Variants in FGF7 observed in about 807,000 individuals in gnomAD.
The protein encoded by FGF7 is fibroblast growth factor 7.
FGF7 carries 6 observed loss-of-function variants against 20.5 expected under a neutral mutation model. The ratio of observed to expected loss-of-function variants is 0.29; its 90% CI spans 0.16 to 0.58. The LOEUF (loss-of-function observed/expected upper bound fraction) is 0.58. FGF7 is among the 20% of genes least tolerant of loss of function. FGF7 has a pLI of 0.90. For missense variants in FGF7, 144 were observed against 228.8 expected (o/e 0.63, Z 2.39); for synonymous variants, 64 against 74.7 (o/e 0.86, Z 0.74).
In FGF7 at chr15:49,487,881, T is replaced by C. The variant is rs1029465142; in HGVS notation, c.*3377T>C. ...TCAGAATGACTTGCAGGGCTTATCA[T>C]GCAGTTTGGTTTACATCCCTACTCC... On this transcript the variant is annotated 3_prime_UTR_variant, in exon 4 of 4. Transcript: ENST00000267843. The C allele has an allele frequency of 1.3e-5, 2 of 152,012 alleles. No homozygotes were observed. Among genetic ancestry groups the C allele is most frequent in the African/African-American group, 4.8e-5 (2 of 41,418 alleles). 9.4% of individuals were successfully genotyped at this position (152,012 alleles called of 1,614,324 possible).
chr15:49,476,212 G>GTTTTTTTTTCTTTTTTTTTT (rs1567351529), intron 2 of FGF7, among the ~76,000 whole-genome samples: 1 of 81,256 alleles, frequency 1.2e-5, no homozygotes, highest in Non-Finnish European at 3.3e-5. Context: ...TTATTTTGCT[G>GTTTTTTTTTCTTTTTTTTTT]TTTTGTTTTT....
chr15:49,448,865 C>T (rs1187731431), intron 2 of FGF7, among the ~76,000 whole-genome samples: 2 of 151,662 alleles, frequency 1.3e-5, no homozygotes, highest in African/African-American at 4.8e-5. Context: ...CTTTAGCAGT[C>T]GATTCCAATA....
chr15:49,441,884 T>G (rs2051686152), intron 2 of FGF7, among the ~76,000 whole-genome samples: 1 of 151,612 alleles, frequency 6.6e-6, no homozygotes, highest in East Asian at 1.9e-4. Context: ...GGGAGCAACC[T>G]TCTCATTGTA....
intron 2 of FGF7, among the ~76,000 whole-genome samples, chr15:49,431,739 T>A (rs2050641283): frequency 6.6e-6 from 1 of 151,664 alleles, no homozygotes; most frequent in Non-Finnish European, 1.5e-5. Context: ...GAAAAAGACT[T>A]TACATAAAAA....
chr15:49,437,789 C>G (rs1277724840), intron 2 of FGF7, among the ~76,000 whole-genome samples: 6 of 151,586 alleles, frequency 4.0e-5, no homozygotes, highest in Non-Finnish European at 7.4e-5. Context: ...AAAAATTCAG[C>G]CTATGTGTGG....
chr15:49,429,310 A>G (rs1157677157), intron 2 of FGF7, among the ~76,000 whole-genome samples: 1 of 151,958 alleles, frequency 6.6e-6, no homozygotes, highest in Non-Finnish European at 1.5e-5. Context: ...GAATGGATAA[A>G]CTGCTGGGGA....
At chr15:49,480,261 A>T (rs1360475709) in intron 2 of FGF7, among the ~76,000 whole-genome samples, 1 of 152,108 alleles carries the variant, frequency 6.6e-6, no homozygotes, top group Non-Finnish European at 1.5e-5. Flanking sequence ...CTTAACCCTA[A>T]TATGTGGAGG....
intron 2 of FGF7, among the ~76,000 whole-genome samples, chr15:49,451,835 T>C (rs2052774925): frequency 6.6e-6 from 1 of 152,124 alleles, no homozygotes; most frequent in African/African-American, 2.4e-5. Context: ...ATCTTTTACC[T>C]AGGAGGAAAA....
chr15:49,477,038 C>T (rs1057221915), intron 2 of FGF7, among the ~76,000 whole-genome samples: 16 of 146,514 alleles, frequency 1.1e-4, no homozygotes, highest in East Asian at 2.0e-4. Flanking sequence ...CCAGCCTGGG[C>T]GACAAAGCGA....
chr15:49,470,561 T>G (rs1233294599), intron 2 of FGF7, among the ~76,000 whole-genome samples: 1 of 152,196 alleles, frequency 6.6e-6, no homozygotes, highest in Non-Finnish European at 1.5e-5. Flanking sequence ...CCCCTTAACT[T>G]TTATGATACC....
At chr15:49,443,946 A>G (rs1244579116) in intron 2 of FGF7, among the ~76,000 whole-genome samples, 1 of 151,686 alleles carries the variant, frequency 6.6e-6, no homozygotes, top group African/African-American at 2.4e-5. Context: ...CATTTACATC[A>G]TGCTTCTACA....
chr15:49,481,816 ACT>A (rs1043036781), intron 2 of FGF7, among the ~76,000 whole-genome samples: 1 of 152,060 alleles, frequency 6.6e-6, no homozygotes, highest in Non-Finnish European at 1.5e-5. Flanking sequence ...TAGCTGTGAA[ACT>A]CTCAACTGGA....
At chr15:49,449,619 ATATAGTTTAAGGCAAATATGCCATACTG>A (rs1203936873) in intron 2 of FGF7, among the ~76,000 whole-genome samples, 5 of 151,986 alleles carry the variant, frequency 3.3e-5, no homozygotes, top group African/African-American at 7.2e-5. Context: ...CTTCCCATTA[ATATAGTTTAAGGCAAATATGCCATACTG>A]TCGGCTCATC....
At chr15:49,477,870 A>C (rs2055498819) in intron 2 of FGF7, among the ~76,000 whole-genome samples, 1 of 152,166 alleles carries the variant, frequency 6.6e-6, no homozygotes, top group Non-Finnish European at 1.5e-5. Context: ...TAGTCACGCT[A>C]ATAGTTGTAC....
rs1160266415 is a variant in FGF7 at position 49,456,716 on chromosome 15, AAG to A, written c.287-26434_287-26433del. ...ATTTTGTGAATTTCTGAAAAGAAAA[AAG>A]GGGAAAGGATCAGGGAAGGAACTTG... On this transcript the variant is annotated intron_variant, in intron 2 of 3. Transcript: ENST00000267843. 2.9e-4 allele frequency among the ~76,000 whole-genome samples: 44 copies of A among 152,080 alleles called. 1 individual carries two copies. Among genetic ancestry groups the A allele is most frequent in the Admixed American group, 2.8e-3 (43 of 15,262 alleles).
chr15:49,424,477 A>G lies in FGF7; in HGVS notation c.180A>G (p.Glu60=), dbSNP rs2049956003. 6.2e-7 allele frequency: 1 copy of G among 1,613,634 alleles called. No homozygotes were observed. Among genetic ancestry groups the G allele is most frequent in the African/African-American group, 1.3e-5 (1 of 75,016 alleles). ...ERHTRSYDYM[E]GGDIRVRRLF... ...ACACAAGAAGTTATGATTACATGGA[A>G]GGAGGGGATATAAGAGTGAGAAGAC... Residue 60 remains glutamate, a synonymous_variant, in exon 2 of 4, where the codon GAA becomes GAG. Transcript: ENST00000267843.
At position 49,484,781 on chromosome 15, in the gene FGF7, T is replaced by C. The variant is rs1264088783; in HGVS notation, c.*277T>C. 1 of 265,662 alleles carries C rather than the reference T, an allele frequency of 3.8e-6. No individual in the cohort carries two copies. Among genetic ancestry groups the C allele is most frequent in the African/African-American group, 2.2e-5 (1 of 45,370 alleles). 16.5% of individuals were successfully genotyped at this position (265,662 alleles called of 1,614,324 possible). On this transcript the variant is annotated 3_prime_UTR_variant, in exon 4 of 4. Transcript: ENST00000267843. ...TGTACAATCATGATGTTAGTAACAG[T>C]AATTTTTTTCTTAAATTAATTTACC... is the stretch of plus-strand genomic sequence containing the variant.
rs1032278798 is a variant in FGF7 at position 49,442,220 on chromosome 15, C to G, written c.286+17637C>G. 1.5e-4 allele frequency among the ~76,000 whole-genome samples: 22 copies of G among 151,720 alleles called. 1 individual carries two copies. The highest frequency in any genetic ancestry group is 3.4e-3 in the Middle Eastern group (1 of 294). ...AAAGATTCTATTCTAGCCAGCCAATCTATTCACTATTTTTCCTAGACTATA... is the reference window on the plus strand; with the variant it reads ...AAAGATTCTATTCTAGCCAGCCAATGTATTCACTATTTTTCCTAGACTATA... On this transcript the variant is annotated intron_variant, in intron 2 of 3. Transcript: ENST00000267843.
At chr15:49,451,501 A>G (rs1268422129) in intron 2 of FGF7, among the ~76,000 whole-genome samples, 3 of 152,088 alleles carry the variant, frequency 2.0e-5, no homozygotes, top group Non-Finnish European at 4.4e-5. Context: ...TAACATCAAC[A>G]ATGAGATTAA....
Sources: gnomAD v4.1 joint callset for allele counts (sites outside exome capture counted in the v4.1 genomes callset) on GRCh38, gnomAD v4.1.1 for gene constraint, MANE v1.5 for transcripts, NCBI Gene and HGNC (gene_info 2026-07-23, HGNC 2026-07-21) for gene names.